The following KDR variants were observed in gnomAD, a reference collection of about 807,000 sequenced individuals.
KDR encodes vascular endothelial growth factor receptor 2.
KDR carries 43 observed loss-of-function variants against 160.9 expected under a neutral mutation model. The ratio of observed to expected loss-of-function variants is 0.27; its 90% CI spans 0.21 to 0.34. KDR has a LOEUF of 0.34. Ranked by LOEUF, KDR falls within the 10% of genes least tolerant of loss-of-function variation. The probability of loss-of-function intolerance (pLI) is 1.00; values close to 1 mark genes in which losing one functional copy is unlikely to be tolerated. For synonymous variants in KDR, 617 were observed against 600.1 expected, an observed-to-expected ratio of 1.03 and a Z score of -0.41; for missense variants, 1,469 against 1,666.4, an observed-to-expected ratio of 0.88 and a Z score of 2.06.
chr4:55,086,803 C>T (rs1456514280), intron 27 of KDR, among the ~76,000 whole-genome samples: 1 of 152,218 alleles, frequency 6.6e-6, no homozygotes, highest in African/African-American at 2.4e-5. Context: ...CTGCCCCTCC[C>T]TGCAGCCCAG....
intron 9 of KDR, among the ~76,000 whole-genome samples, chr4:55,110,062 G>A (rs1720539307): frequency 6.6e-6 from 1 of 152,182 alleles, no homozygotes; most frequent in Admixed American, 6.5e-5. Flanking sequence ...TGTGTACCAG[G>A]TGGGCAATTC....
In KDR at chr4:55,106,708, A is replaced by G. The variant is rs902907328; in HGVS notation, c.1515T>C (p.Ala505=). 1 of 1,576,168 alleles carries G rather than the reference A, an allele frequency of 6.3e-7. No homozygotes were observed. The stretch of plus-strand genomic sequence containing the variant: ...TCACTTTGTTTTTTCCTTCAATTAG[A>G]GCAAATTGATTTTTATTAACTTCAA... ...NKIEVNKNQF[A]LIEGKNKTVS... is the part of the protein sequence containing the mutation. The change falls in exon 11 of 30, where the codon GCT becomes GCC. Residue 505 remains alanine, a synonymous_variant. Coordinates refer to ENST00000263923, the MANE Select transcript of KDR (RefSeq NM_002253.4).
At chr4:55,115,124 C>T (rs1327490834) in intron 4 of KDR, 82 bp from the exon 5 acceptor site, 1 of 1,334,734 alleles carries the variant, frequency 7.5e-7, no homozygotes, top group Non-Finnish European at 1.1e-6. Flanking sequence ...AAGAATTCAT[C>T]TTATTTTTAA....
intron 27 of KDR, among the ~76,000 whole-genome samples, chr4:55,083,113 A>T (rs138753116): frequency 6.6e-6 from 1 of 152,314 alleles, no homozygotes; most frequent in East Asian, 1.9e-4. Context: ...AGGATACTGA[A>T]CCCAGCAGTG....
At chr4:55,080,187 G>T (rs10006115) in intron 29 of KDR, 24 bp from the exon 30 acceptor site, 70,223 of 1,603,004 alleles carry the variant, frequency 0.044, 1,911 homozygotes, top group African/African-American at 0.086. Context: ...GGCAAACAAA[G>T]GAGTTGGCAG....
At chr4:55,082,149 C>T (rs1719751262) in intron 28 of KDR, 108 bp from the exon 29 acceptor site, 1 of 865,874 alleles carries the variant, frequency 1.2e-6, no homozygotes, top group Admixed American at 1.8e-5. Context: ...AAATAAGGTC[C>T]TGTGGAAGAA....
At chr4:55,087,859 G>A in intron 26 of KDR, 101 bp from the exon 27 acceptor site, 1 of 1,061,974 alleles carries the variant, frequency 9.4e-7, no homozygotes. Context: ...TACATAGGGT[G>A]TGTGGCTTTC....
At chr4:55,081,169 C>T (rs1719726950) in intron 29 of KDR, among the ~76,000 whole-genome samples, 1 of 152,140 alleles carries the variant, frequency 6.6e-6, no homozygotes, top group African/African-American at 2.4e-5. Flanking sequence ...CACAATGGCA[C>T]CTTTTAATAT....
intron 18 of KDR, chr4:55,096,573 C>T (rs1017656438): frequency 1.8e-6 from 1 of 557,278 alleles, no homozygotes; most frequent in East Asian, 3.0e-5. Flanking sequence ...TTAAAGGAAC[C>T]CATTGTGAAA....
In KDR at chr4:55,105,933, C is replaced by T. The variant is rs1239988448; in HGVS notation, c.1544G>A (p.Ser515Asn). ...ALIEGKNKTVSTLVIQAANVS... is the reference protein window; with the variant it reads ...ALIEGKNKTVNTLVIQAANVS... ...ATTTGCCGCTTGGATAACAAGGGTA[C>T]TTACAGTCTGTGCGGGGAAAAAACA... Residue 515 changes from serine (S) to asparagine (N), a missense_variant, in exon 12 of 30, where the codon AGT (serine) becomes AAT (asparagine). Coordinates refer to ENST00000263923, the MANE Select transcript of KDR (RefSeq NM_002253.4). 3 of 1,609,934 alleles carry T rather than the reference C, an allele frequency of 1.9e-6. No homozygotes were observed. Among genetic ancestry groups the T allele is most frequent in the African/African-American group, 2.7e-5 (2 of 74,788 alleles).
chr4:55,104,095 C>T (rs2110022341), intron 13 of KDR, among the ~76,000 whole-genome samples: 1 of 152,268 alleles, frequency 6.6e-6, no homozygotes, highest in East Asian at 1.9e-4. Flanking sequence ...TCTTCTAGGT[C>T]TTAAACGCAG....
At chr4:55,118,938 G>GCCACCATGCC in intron 2 of KDR, 138 bp from the exon 3 acceptor site, 1 of 745,130 alleles carries the variant, frequency 1.3e-6, no homozygotes, top group Non-Finnish European at 2.3e-6. Context: ...GCCAGGCATG[G>GCCACCATGCC]TGGCTCATGC....
intron 5 of KDR, 79 bp downstream of exon 5, chr4:55,114,795 C>A (rs1349771306): frequency 3.1e-6 from 4 of 1,276,636 alleles, no homozygotes; most frequent in Non-Finnish European, 4.6e-6. Flanking sequence ...CAATATCCTT[C>A]TTCACTCTAT....
At chr4:55,119,059 A>G (rs529962390) in intron 2 of KDR, among the ~76,000 whole-genome samples, 3 of 152,224 alleles carry the variant, frequency 2.0e-5, no homozygotes, top group South Asian at 4.2e-4. Context: ...AAATACAAAA[A>G]TGAGCCAGGT....
chr4:55,125,360 A>C lies in KDR; in HGVS notation c.-67T>G. 6.5e-7 allele frequency: 1 copy of C among 1,537,138 alleles called. No homozygotes were observed. Among genetic ancestry groups the C allele is most frequent in the Non-Finnish European group, 8.8e-7 (1 of 1,134,310 alleles). On this transcript the variant is annotated 5_prime_UTR_variant, in exon 1 of 30. An upstream open reading frame in the 5' UTR loses its in-frame stop. Coordinates refer to ENST00000263923, the MANE Select transcript of KDR (RefSeq NM_002253.4). ...CGGTTCTTTCTCCCAGCGCCTGTCT[A>C]GAGAAGGAGGCGCGGAGGTGGAACT...
chr4:55,111,235 G>T (rs1720575192), intron 7 of KDR, among the ~76,000 whole-genome samples: 1 of 152,108 alleles, frequency 6.6e-6, no homozygotes, highest in South Asian at 2.1e-4. Flanking sequence ...GTTATCTTCT[G>T]CCCTGACTCC....
chr4:55,122,294 T>C (rs1270716905), intron 1 of KDR, among the ~76,000 whole-genome samples: 3 of 152,140 alleles, frequency 2.0e-5, no homozygotes, highest in Non-Finnish European at 4.4e-5. Context: ...AGAAAAATTG[T>C]CCACTATGCT....
In KDR at chr4:55,104,692, G is replaced by C. The variant is rs1347237662; in HGVS notation, c.1938C>G (p.Asp646Glu). The change falls in exon 13 of 30, where the codon GAC (aspartate) becomes GAG (glutamate). Residue 646 changes from aspartate (D) to glutamate (E), a missense_variant. Physicochemically the swap from Asp to Glu is conservative, Grantham distance 45 (BLOSUM62 2). Transcript: ENST00000263923. ...CGCAATGTCTTTTCTTGGTCTTCCT[G>C]TCTTGAGCAAGGCAGACATAGTCTC... ...DQGDYVCLAQ[D>E]RKTKKRHCVV... 1.9e-6 allele frequency: 3 copies of C among 1,613,698 alleles called. No homozygotes were observed. Among genetic ancestry groups the C allele is most frequent in the African/African-American group, 2.7e-5 (2 of 74,874 alleles).
chr4:55,095,927 C>T (rs946380378), intron 19 of KDR, among the ~76,000 whole-genome samples: 3 of 152,068 alleles, frequency 2.0e-5, no homozygotes, highest in Admixed American at 2.0e-4. Flanking sequence ...TGATATGATT[C>T]CATTTTGGGG....
Sources: gnomAD v4.1 joint callset for allele counts (sites outside exome capture counted in the v4.1 genomes callset) on GRCh38, gnomAD v4.1.1 for gene constraint, MANE v1.5 for transcripts, NCBI Gene and HGNC (gene_info 2026-07-23, HGNC 2026-07-21) for gene names.